The following SAMD12 variants were observed in gnomAD, a reference collection of about 807,000 sequenced individuals.
The protein encoded by SAMD12 is sterile alpha motif domain-containing protein 12.
In SAMD12, 9 loss-of-function variants were observed where a neutral mutation model predicts 15.0. That is an observed-to-expected ratio of 0.60 (90% confidence interval 0.36 to 1.05). The LOEUF (loss-of-function observed/expected upper bound fraction) is 1.05, where lower values mean the gene tolerates loss of function less well. SAMD12 is among the 50% of genes least tolerant of loss of function. The pLI, the probability that SAMD12 is intolerant of heterozygous loss-of-function variation, is 0.01. For synonymous variants in SAMD12, 86 were observed against 90.1 expected (o/e 0.96, Z 0.25); for missense variants, 230 against 234.2 (o/e 0.98, Z 0.12).
intron 4 of SAMD12, among the ~76,000 whole-genome samples, chr8:118,328,119 T>C (rs1816646899): frequency 6.6e-6 from 1 of 152,176 alleles, no homozygotes; most frequent in Non-Finnish European, 1.5e-5. Context: ...AGACAACCAA[T>C]AGACATGACC....
intron 4 of SAMD12, among the ~76,000 whole-genome samples, chr8:118,208,563 C>T (rs1327690314): frequency 6.6e-6 from 1 of 152,206 alleles, no homozygotes; most frequent in Non-Finnish European, 1.5e-5. Context: ...CTCTCAAAGC[C>T]TATGTGAACT....
chr8:118,148,007 A>T, the SAMD12 span, among the ~76,000 whole-genome samples: 4 of 150,948 alleles, frequency 2.6e-5, no homozygotes, highest in African/African-American at 9.8e-5. Flanking sequence ...GTCTCACTGC[A>T]GCCTCTGCCA....
chr8:118,473,226 A>C (rs1048616901), intron 2 of SAMD12, among the ~76,000 whole-genome samples: 3 of 151,858 alleles, frequency 2.0e-5, no homozygotes, highest in Non-Finnish European at 4.4e-5. Context: ...TCACACTGTA[A>C]CCTCCTCTAC....
chr8:118,533,634 T>C (rs1405481229), intron 2 of SAMD12, among the ~76,000 whole-genome samples: 2 of 152,252 alleles, frequency 1.3e-5, no homozygotes, highest in Non-Finnish European at 2.9e-5. Flanking sequence ...CTGTATTAGA[T>C]GCATATATAA....
At position 118,568,680 on chromosome 8, in the gene SAMD12, T is replaced by G. The variant is rs530975831; in HGVS notation, c.192+12035A>C. 3.8e-4 allele frequency among the ~76,000 whole-genome samples: 58 copies of G among 152,350 alleles called. 1 individual carries two copies. Among genetic ancestry groups the G allele is most frequent in the Middle Eastern group, 6.8e-3 (2 of 294 alleles). On this transcript the variant is annotated intron_variant, in intron 2 of 3. Transcript: ENST00000314727. Reference sequence around the variant, plus strand: ...GGACTGTTTCAATGAAACTTCATCATGACCATCAGCAAGATGGCAAGTCCA... The same window carrying G: ...GGACTGTTTCAATGAAACTTCATCAGGACCATCAGCAAGATGGCAAGTCCA...
the SAMD12 span, among the ~76,000 whole-genome samples, chr8:118,175,060 A>AC: frequency 7.2e-5 from 11 of 151,886 alleles, no homozygotes; most frequent in African/African-American, 2.7e-4. Context: ...AAAAAAACAA[A>AC]CAAAAACCGG....
intron 3 of SAMD12, among the ~76,000 whole-genome samples, chr8:118,381,564 A>G (rs527506655): frequency 6.6e-6 from 1 of 152,302 alleles, no homozygotes; most frequent in Non-Finnish European, 1.5e-5. Flanking sequence ...AAGCGTCCTT[A>G]GAAGTGAAAG....
chr8:118,274,357 C>T (rs548691647), intron 4 of SAMD12, among the ~76,000 whole-genome samples: 1 of 152,230 alleles, frequency 6.6e-6, no homozygotes, highest in African/African-American at 2.4e-5. Flanking sequence ...AGAAATGATG[C>T]TTTTGACAGA....
chr8:118,318,325 T>TATATATATATATATATATATATACAC (rs1816037047), intron 4 of SAMD12, among the ~76,000 whole-genome samples: 2 of 25,264 alleles, frequency 7.9e-5, no homozygotes, highest in Non-Finnish European at 3.1e-4. Flanking sequence ...TATATATATA[T>TATATATATATATATATATATATACAC]ATATATATAT....
Position 118,277,469 on chromosome 8 carries a change from A to C in SAMD12, c.434-79737T>G, listed in dbSNP as rs116454840. On this transcript the variant is annotated intron_variant, in intron 4 of 4. Coordinates refer to the SAMD12 transcript ENST00000409003. ...TTGTTATTCATCTTGCCAGAAACAG[A>C]AGACTATACTTTGGTTTTGATGCAA... Among the ~76,000 whole-genome samples, 769 of 152,252 alleles carry C rather than the reference A, an allele frequency of 5.1e-3. 8 individuals are homozygous for C. The highest frequency in any genetic ancestry group is 0.017 in the African/African-American group (726 of 41,548).
At chr8:118,564,843 C>T (rs760164156) in intron 2 of SAMD12, among the ~76,000 whole-genome samples, 1 of 152,202 alleles carries the variant, frequency 6.6e-6, no homozygotes, top group South Asian at 2.1e-4. Context: ...CTATCTTCCA[C>T]GCAGTGACTT....
At chr8:118,272,248 C>T (rs942732801) in intron 4 of SAMD12, among the ~76,000 whole-genome samples, 32 of 152,238 alleles carry the variant, frequency 2.1e-4, no homozygotes, top group African/African-American at 7.7e-4. Flanking sequence ...TTGGGGCTTA[C>T]ACCCTCTTAA....
At chr8:118,405,140 A>C (rs1821063197) in intron 3 of SAMD12, among the ~76,000 whole-genome samples, 1 of 152,190 alleles carries the variant, frequency 6.6e-6, no homozygotes, top group Non-Finnish European at 1.5e-5. Flanking sequence ...CTATCCTACA[A>C]TACTGGTCAA....
chr8:118,433,861 G>A (rs1030229071), intron 3 of SAMD12, among the ~76,000 whole-genome samples: 6 of 152,134 alleles, frequency 3.9e-5, no homozygotes, highest in Admixed American at 3.3e-4. Flanking sequence ...AGTTAAATAC[G>A]TTTACATTTT....
chr8:118,289,325 T>G (rs1814229820), intron 4 of SAMD12, among the ~76,000 whole-genome samples: 2 of 152,178 alleles, frequency 1.3e-5, no homozygotes, highest in Non-Finnish European at 1.5e-5. Context: ...CTCTGCTCTT[T>G]TCCTAATTAA....
At position 118,398,081 on chromosome 8, in the gene SAMD12, G is replaced by A. The variant is rs116669357; in HGVS notation, c.323-18381C>T. Among the ~76,000 whole-genome samples, 1,046 of 152,218 alleles carry A rather than the reference G, an allele frequency of 6.9e-3. 12 individuals are homozygous for A. The highest frequency in any genetic ancestry group is 0.024 in the African/African-American group (1,001 of 41,532). The stretch of plus-strand genomic sequence containing the variant: ...TGGAACTACAGGTGTGAGCCACCAC[G>A]CCAAGCCAGGGCTTGAGAATTTAAA... On this transcript the variant is annotated intron_variant, in intron 3 of 3. Coordinates refer to ENST00000314727, the MANE Select transcript of SAMD12 (RefSeq NM_207506.3).
chr8:118,206,450 C>A (rs1819865402), intron 4 of SAMD12, among the ~76,000 whole-genome samples: 1 of 152,184 alleles, frequency 6.6e-6, no homozygotes, highest in Non-Finnish European at 1.5e-5. Flanking sequence ...AGCTATTCAA[C>A]CCAGTCAAAG....
chr8:118,304,919 C>T (rs775892495), intron 4 of SAMD12, among the ~76,000 whole-genome samples: 5 of 151,300 alleles, frequency 3.3e-5, no homozygotes, highest in Non-Finnish European at 5.9e-5. Context: ...GAGGCTGAGG[C>T]GGATGCATCA....
chr8:118,297,199 G>A (rs1814757994), intron 4 of SAMD12, among the ~76,000 whole-genome samples: 1 of 152,160 alleles, frequency 6.6e-6, no homozygotes, highest in South Asian at 2.1e-4. Flanking sequence ...TTTCATCCAT[G>A]TTCACCATGG....
Sources: gnomAD v4.1 joint callset for allele counts (sites outside exome capture counted in the v4.1 genomes callset) on GRCh38, gnomAD v4.1.1 for gene constraint, MANE v1.5 for transcripts, NCBI Gene and HGNC (gene_info 2026-07-23, HGNC 2026-07-21) for gene names.